The following CASD1 variants were observed in gnomAD, a reference collection of about 807,000 sequenced individuals.
CASD1 encodes the protein CAS1 domain sialic acid O acetyltransferase 1.
A neutral mutation model predicts 100.0 loss-of-function variants in CASD1; 41 were observed. The ratio of observed to expected loss-of-function variants is 0.41; its 90% CI spans 0.32 to 0.53. CASD1 has a LOEUF of 0.53. Among genes scored for constraint, CASD1 ranks in the 20% least tolerant of loss-of-function variants. CASD1 has a pLI of 0.25. For synonymous variants in CASD1, 321 were observed against 315.6 expected, an observed-to-expected ratio of 1.02 and a Z score of -0.18; for missense variants, 774 against 948.7, an observed-to-expected ratio of 0.82 and a Z score of 2.42.
chr7:94,524,318 C>T (rs1794437480), intron 3 of CASD1: 1 of 151,882 alleles, frequency 6.6e-6, no homozygotes, highest in African/African-American at 2.4e-5. Flanking sequence ...AGATAATTTA[C>T]AACATATATT....
At chr7:94,523,892 G>A (rs1794414337) in intron 3 of CASD1, among the ~76,000 whole-genome samples, 1 of 152,094 alleles carries the variant, frequency 6.6e-6, no homozygotes, top group Non-Finnish European at 1.5e-5. Context: ...ATAGAAACAT[G>A]CATATAAAAT....
At chr7:94,580,455 ATCT>A in the CASD1 span, among the ~76,000 whole-genome samples, 1 of 152,110 alleles carries the variant, frequency 6.6e-6, no homozygotes, top group Non-Finnish European at 1.5e-5. Context: ...ATTCTTCATC[ATCT>A]TAGCATTTTC....
chr7:94,512,623 C>G (rs1162479462), intron 1 of CASD1, among the ~76,000 whole-genome samples: 2 of 152,322 alleles, frequency 1.3e-5, no homozygotes, highest in South Asian at 4.1e-4. Context: ...AAAGGTTTTA[C>G]ATGTTTTAAC....
At chr7:94,541,567 T>G (rs941499552) in intron 10 of CASD1, among the ~76,000 whole-genome samples, 4 of 104,798 alleles carry the variant, frequency 3.8e-5, no homozygotes, top group Non-Finnish European at 8.1e-5. Flanking sequence ...TTTTTTTTTT[T>G]GCCCTTGGAG....
At chr7:94,515,560 C>T (rs1483466279) in intron 1 of CASD1, among the ~76,000 whole-genome samples, 3 of 151,888 alleles carry the variant, frequency 2.0e-5, no homozygotes, top group South Asian at 4.1e-4. Context: ...TGGGGAGAAA[C>T]GACTGGTTAT....
At chr7:94,616,263 G>A in the CASD1 span, among the ~76,000 whole-genome samples, 2 of 152,082 alleles carry the variant, frequency 1.3e-5, no homozygotes, top group African/African-American at 4.8e-5. Context: ...CTGTTTAACT[G>A]ACTATACATA....
chr7:94,525,298 G>A (rs1315505125), intron 3 of CASD1, among the ~76,000 whole-genome samples: 1 of 152,112 alleles, frequency 6.6e-6, no homozygotes, highest in Non-Finnish European at 1.5e-5. Flanking sequence ...ATTTAAAGAT[G>A]CATATTTATG....
At chr7:94,540,455 T>A (rs1335398168) in intron 10 of CASD1, among the ~76,000 whole-genome samples, 1 of 152,172 alleles carries the variant, frequency 6.6e-6, no homozygotes, top group Non-Finnish European at 1.5e-5. Context: ...ATTGCCTCTT[T>A]ATTATTTTCA....
Position 94,549,724 on chromosome 7 carries a change from G to C in CASD1, c.1815+90G>C, listed in dbSNP as rs569113252. 739 of 926,102 alleles carry C rather than the reference G, an allele frequency of 8.0e-4. 1 individual carries two copies. Among genetic ancestry groups the C allele is most frequent in the Non-Finnish European group, 9.5e-4 (578 of 610,296 alleles). 57.4% of individuals were successfully genotyped at this position (926,102 alleles called of 1,614,324 possible). A position where few individuals can be genotyped will look rare whatever the true frequency, so the allele number is the denominator to read the frequency against. The stretch of plus-strand genomic sequence containing the variant: ...TTTGATCTATCTATACTTAGTTTCA[G>C]AATAAATAAAGATGTTGATTTAGTA... On this transcript the variant is annotated intron_variant, in intron 14 of 17. Transcript: ENST00000297273.
chr7:94,540,793 A>G (rs549559542), intron 10 of CASD1, among the ~76,000 whole-genome samples: 1 of 152,296 alleles, frequency 6.6e-6, no homozygotes, highest in South Asian at 2.1e-4. Context: ...ATGTATGAAT[A>G]AAGACTGAGT....
downstream of CASD1, among the ~76,000 whole-genome samples, chr7:94,558,761 G>A (rs1480281861): frequency 1.3e-5 from 2 of 151,998 alleles, no homozygotes; most frequent in Non-Finnish European, 2.9e-5. Flanking sequence ...TGTGGTGTTT[G>A]ATGACTGATT....
chr7:94,515,354 C>G (rs534034291), intron 1 of CASD1, among the ~76,000 whole-genome samples: 60 of 151,612 alleles, frequency 4.0e-4, no homozygotes, highest in African/African-American at 1.3e-3. Flanking sequence ...TCAGTATTCT[C>G]TAAAAACTGT....
the CASD1 span, among the ~76,000 whole-genome samples, chr7:94,607,535 A>T: frequency 2.0e-5 from 3 of 152,312 alleles, no homozygotes; most frequent in South Asian, 4.1e-4. Context: ...CAACAGGCTA[A>T]AGAAGAAAAA....
At chr7:94,588,539 A>T in the CASD1 span, 7 of 1,486,360 alleles carry the variant, frequency 4.7e-6, no homozygotes, top group African/African-American at 1.4e-5. Flanking sequence ...CTAAGCTATT[A>T]TTCTGAGGTT....
At chr7:94,559,861 A>G (rs1359717215), downstream of CASD1, among the ~76,000 whole-genome samples, 1 of 152,200 alleles carries the variant, frequency 6.6e-6, no homozygotes, top group Non-Finnish European at 1.5e-5. Context: ...AATTCAAAGT[A>G]AAACTAAGAA....
chr7:94,615,445 C>T, the CASD1 span, among the ~76,000 whole-genome samples: 1 of 151,804 alleles, frequency 6.6e-6, no homozygotes, highest in Non-Finnish European at 1.5e-5. Flanking sequence ...CTGTAAGTTA[C>T]CATAGATAGA....
At chr7:94,620,096 T>C in the CASD1 span, 1 of 152,206 alleles carries the variant, frequency 6.6e-6, no homozygotes, top group African/African-American at 2.4e-5. Context: ...TTTATTTCAA[T>C]AAAATTCATG....
rs754141984 is a variant in CASD1, at chr7:94,555,526, C to G, written c.2162C>G (p.Ala721Gly). The G allele has an allele frequency of 1.9e-6, 3 of 1,612,966 alleles. No homozygotes were observed. The Admixed American group carries it at 5.0e-5, about 27-fold the overall frequency. The change falls in exon 18 of 18, where the codon GCG (alanine) becomes GGG (glycine). Residue 721 changes from alanine to glycine, a missense_variant. Ala to Gly is a moderately conservative substitution (Grantham distance 60). Around this residue, in one of 5 missense-constraint regions of CASD1, gnomAD observed 175 missense variants for 206.9 expected, o/e 0.85. Transcript: ENST00000297273. The stretch of plus-strand genomic sequence containing the variant: ...TGCCAGTATCACATATGGCTGGCAG[C>G]GGACACAAGGGGTATCTTGGTACTG... ...FICQYHIWLAADTRGILVLIP... is the reference protein window; with the variant it reads ...FICQYHIWLAGDTRGILVLIP...
At chr7:94,591,604 T>C in the CASD1 span, among the ~76,000 whole-genome samples, 1 of 148,010 alleles carries the variant, frequency 6.8e-6, no homozygotes, top group African/African-American at 2.4e-5. Flanking sequence ...AATCAGCATT[T>C]GGATGAGGTA....
Sources: allele counts gnomAD v4.1 joint callset (sites outside exome capture counted in the v4.1 genomes callset), GRCh38; gene constraint gnomAD v4.1.1; regional missense constraint gnomAD v4.1.1; transcripts MANE v1.5; gene names NCBI Gene and HGNC (gene_info 2026-07-23, HGNC 2026-07-21).